INPP5A: variants seen among roughly 807,000 people sequenced by gnomAD.
INPP5A encodes inositol polyphosphate-5-phosphatase A.
INPP5A carries 14 observed loss-of-function variants against 65.2 expected under a neutral mutation model. The observed-to-expected ratio is 0.21, with a 90% CI of 0.14 to 0.34. The LOEUF is 0.34. INPP5A is among the 10% of genes least tolerant of loss of function. INPP5A has a pLI of 1.00. For synonymous variants in INPP5A, 207 were observed against 208.3 expected (o/e 0.99, Z 0.05); for missense variants, 431 against 545.6 (o/e 0.79, Z 2.09).
chr10:132,577,241 C>G (rs963269683), intron 1 of INPP5A, among the ~76,000 whole-genome samples: 1 of 152,172 alleles, frequency 6.6e-6, no homozygotes, highest in Non-Finnish European at 1.5e-5. Context: ...GCACGCCGCC[C>G]GTGGTGCATC....
At chr10:132,653,795 G>A (rs1243743684) in intron 4 of INPP5A, among the ~76,000 whole-genome samples, 1 of 152,224 alleles carries the variant, frequency 6.6e-6, no homozygotes, top group Non-Finnish European at 1.5e-5. Flanking sequence ...GTCTGCACCC[G>A]CTGCAGATCG....
intron 1 of INPP5A, among the ~76,000 whole-genome samples, chr10:132,548,408 A>G (rs73395333): frequency 0.17 from 26,229 of 151,660 alleles, 2,367 homozygotes; most frequent in African/African-American, 0.22. Context: ...CCGGGAGTCG[A>G]CTCTGCTTCT....
At chr10:132,715,538 G>C (rs1845725107) in intron 8 of INPP5A, among the ~76,000 whole-genome samples, 1 of 152,048 alleles carries the variant, frequency 6.6e-6, no homozygotes, top group Non-Finnish European at 1.5e-5. Context: ...TGATGCCCGC[G>C]CCCCAGCCCC....
intron 1 of INPP5A, among the ~76,000 whole-genome samples, chr10:132,560,667 A>T (rs934480062): frequency 6.6e-5 from 10 of 152,064 alleles, no homozygotes; most frequent in African/African-American, 2.2e-4. Flanking sequence ...TGGTGCGATG[A>T]TAGCTCACTG....
intron 12 of INPP5A, among the ~76,000 whole-genome samples, chr10:132,773,769 G>A (rs1430029572): frequency 6.6e-6 from 1 of 152,194 alleles, no homozygotes; most frequent in Non-Finnish European, 1.5e-5. Context: ...AGATACGGGC[G>A]AGGGGAGCAC....
rs1449447700 is a variant in INPP5A, at chr10:132,644,302, C to T, written c.118-1566C>T. 4.6e-5 allele frequency among the ~76,000 whole-genome samples: 7 copies of T among 152,228 alleles called. No individual in the cohort carries two copies. Among genetic ancestry groups the T allele is most frequent in the Non-Finnish European group, 1.0e-4 (7 of 68,034 alleles). Reference sequence around the variant, plus strand: ...AACTCAGGCACGGCCGCCCTTGTCTCCTGCTGCCGCTGCCACCTGCAGCAC... The same window carrying T: ...AACTCAGGCACGGCCGCCCTTGTCTTCTGCTGCCGCTGCCACCTGCAGCAC... On this transcript the variant is annotated intron_variant, in intron 2 of 15. Coordinates refer to ENST00000368594, the MANE Select transcript of INPP5A (RefSeq NM_005539.5). This position sits in a 1 kb window ranked among gnomAD's most constrained non-coding sequence, Gnocchi z 6.5.
intron 2 of INPP5A, among the ~76,000 whole-genome samples, chr10:132,612,243 G>A (rs1374545254): frequency 6.6e-6 from 1 of 151,488 alleles, no homozygotes; most frequent in Non-Finnish European, 1.5e-5. Flanking sequence ...TCGGGAGGGT[G>A]TGGGAGGTGA....
intron 8 of INPP5A, among the ~76,000 whole-genome samples, chr10:132,719,432 G>A (rs1845816825): frequency 6.7e-6 from 1 of 150,096 alleles, no homozygotes; most frequent in Admixed American, 6.6e-5. Flanking sequence ...CTGTCTTCAG[G>A]GTTCTGTGGT....
At chr10:132,768,001 G>T (rs148407148) in intron 12 of INPP5A, among the ~76,000 whole-genome samples, 1 of 133,968 alleles carries the variant, frequency 7.5e-6, no homozygotes, top group African/African-American at 2.9e-5. Flanking sequence ...GGGTGCCCAC[G>T]TGCCCAGTGG....
intron 4 of INPP5A, among the ~76,000 whole-genome samples, chr10:132,657,053 T>G (rs1289030763): frequency 6.6e-6 from 1 of 152,188 alleles, no homozygotes; most frequent in African/African-American, 2.4e-5. Flanking sequence ...GAGCTCCTTG[T>G]GTAGGAGACC....
At chr10:132,646,163 A>G (rs1390991303) in intron 3 of INPP5A, among the ~76,000 whole-genome samples, 195 bp downstream of exon 3, 2 of 152,182 alleles carry the variant, frequency 1.3e-5, no homozygotes, top group East Asian at 3.9e-4. Context: ...GGGCGGCGAC[A>G]GAAGGCCACG....
intron 1 of INPP5A, among the ~76,000 whole-genome samples, chr10:132,585,542 A>T (rs991710280): frequency 1.3e-5 from 2 of 152,194 alleles, no homozygotes; most frequent in Non-Finnish European, 2.9e-5. Context: ...AGCTGCCGTT[A>T]CAGGCGTCCA....
At chr10:132,669,131 T>C (rs943201169) in intron 4 of INPP5A, among the ~76,000 whole-genome samples, 7 of 152,136 alleles carry the variant, frequency 4.6e-5, no homozygotes. Flanking sequence ...TGGGCGCCTG[T>C]AGTCCCAGCT....
At chr10:132,667,315 A>G (rs2072818153) in intron 4 of INPP5A, among the ~76,000 whole-genome samples, 1 of 152,224 alleles carries the variant, frequency 6.6e-6, no homozygotes, top group South Asian at 2.1e-4. Flanking sequence ...GAGAGAACAA[A>G]TCAAATCAAG....
intron 5 of INPP5A, among the ~76,000 whole-genome samples, chr10:132,692,601 A>T (rs1436852540): frequency 6.6e-6 from 1 of 152,232 alleles, no homozygotes; most frequent in African/African-American, 2.4e-5. Context: ...AAGGATAACA[A>T]TTACATTGGA....
chr10:132,740,887 A>G (rs904265321), intron 9 of INPP5A, among the ~76,000 whole-genome samples: 1 of 152,196 alleles, frequency 6.6e-6, no homozygotes, highest in Non-Finnish European at 1.5e-5. Flanking sequence ...CTGACGTCAC[A>G]GTGATTTCCT....
Position 132,709,610 on chromosome 10 carries a change from G to A in INPP5A, c.528-727G>A, listed in dbSNP as rs558618672. On this transcript the variant is annotated intron_variant, in intron 7 of 15. Transcript: ENST00000368594. Reference sequence around the variant, plus strand: ...GGTCATTGTGGCAGCTGGGCCACAGGCTGGAGGAGGGCAAGACCGCCTGCA... The same window carrying A: ...GGTCATTGTGGCAGCTGGGCCACAGACTGGAGGAGGGCAAGACCGCCTGCA... 2.1e-3 allele frequency among the ~76,000 whole-genome samples: 316 copies of A among 152,290 alleles called. 3 individuals are homozygous for A. Among genetic ancestry groups the A allele is most frequent in the African/African-American group, 7.3e-3 (305 of 41,548 alleles).
chr10:132,728,433 G>A (rs1404663481), intron 9 of INPP5A, among the ~76,000 whole-genome samples: 1 of 152,236 alleles, frequency 6.6e-6, no homozygotes, highest in African/African-American at 2.4e-5. Flanking sequence ...GTCCGAGGCT[G>A]TGCGGGACCC....
At chr10:132,542,180 C>G (rs549652293) in intron 1 of INPP5A, among the ~76,000 whole-genome samples, 60 of 152,364 alleles carry the variant, frequency 3.9e-4, no homozygotes, top group African/African-American at 1.4e-3. Context: ...GCCCTTCCTG[C>G]TGCTTGTTCG....
Sources: gnomAD v4.1 joint callset for allele counts (sites outside exome capture counted in the v4.1 genomes callset) on GRCh38, gnomAD v4.1.1 for gene constraint, Gnocchi (gnomAD v3.1) non-coding constraint, MANE v1.5 for transcripts, NCBI Gene and HGNC (gene_info 2026-07-23, HGNC 2026-07-21) for gene names.